SUZ12: variants seen among roughly 807,000 people sequenced by gnomAD.
SUZ12 encodes SUZ12 polycomb repressive complex 2 subunit.
A neutral mutation model predicts 87.3 loss-of-function variants in SUZ12; 17 were observed. That is an observed-to-expected ratio of 0.19 (90% CI 0.13 to 0.29). The LOEUF (loss-of-function observed/expected upper bound fraction) is 0.29, where lower values mean the gene tolerates loss of function less well. SUZ12 is among the 10% of genes least tolerant of loss of function. The pLI is 1.00. For missense variants in SUZ12, 526 were observed against 912.2 expected, an observed-to-expected ratio of 0.58 and a Z score of 5.45; for synonymous variants, 253 against 312.4, an observed-to-expected ratio of 0.81 and a Z score of 2.01.
intron 8 of SUZ12, among the ~76,000 whole-genome samples, chr17:31,982,337 TG>T (rs1272893342): frequency 5.8e-5 from 6 of 102,812 alleles, no homozygotes; most frequent in African/African-American, 3.0e-4. Flanking sequence ...AGACAAGCAT[TG>T]TTTGTAACAC....
chr17:31,970,331 A>G (rs1054470901), intron 5 of SUZ12, among the ~76,000 whole-genome samples: 29 of 152,276 alleles, frequency 1.9e-4, no homozygotes, highest in Non-Finnish European at 3.8e-4. Context: ...TTTTAAGTAG[A>G]AAAAAAGTGT....
chr17:31,981,964 A>T (rs184631508), intron 8 of SUZ12, among the ~76,000 whole-genome samples: 1 of 152,202 alleles, frequency 6.6e-6, no homozygotes, highest in African/African-American at 2.4e-5. Context: ...GAATTTCTCT[A>T]AGAGTGATGA....
intron 3 of SUZ12, among the ~76,000 whole-genome samples, chr17:31,941,350 G>C (rs1906268583): frequency 1.3e-5 from 2 of 150,404 alleles, no homozygotes; most frequent in Admixed American, 1.3e-4. Context: ...TCTGCCTCCT[G>C]GGTTTAAACG....
chr17:31,953,655 A>G (rs1907117442), intron 4 of SUZ12, among the ~76,000 whole-genome samples: 1 of 146,478 alleles, frequency 6.8e-6, no homozygotes, highest in Non-Finnish European at 1.5e-5. Flanking sequence ...TGATCCTCCC[A>G]CCTCGACATC....
chr17:31,987,060 T>G (rs930535430), intron 9 of SUZ12, among the ~76,000 whole-genome samples: 3 of 147,758 alleles, frequency 2.0e-5, no homozygotes, highest in African/African-American at 5.0e-5. Context: ...TTTTTTTGTT[T>G]TTTTGTTTTT....
At chr17:31,991,442 C>T (rs182550866) in intron 10 of SUZ12, among the ~76,000 whole-genome samples, 3 of 151,778 alleles carry the variant, frequency 2.0e-5, no homozygotes, top group Admixed American at 1.3e-4. Flanking sequence ...TCTCAGAATA[C>T]TCAGAAACCA....
rs988926616 is a variant in SUZ12, at chr17:31,956,478, C to T, written c.455+8793C>T. Among the ~76,000 whole-genome samples, 9 of 152,152 alleles carry T rather than the reference C, an allele frequency of 5.9e-5. No individual in the cohort carries two copies. The East Asian group carries it at 9.6e-4, about 16-fold the overall frequency. On this transcript the variant is annotated intron_variant, in intron 4 of 15. Coordinates refer to ENST00000322652, the MANE Select transcript of SUZ12 (RefSeq NM_015355.4). The stretch of plus-strand genomic sequence containing the variant: ...TGCTGGGATTACAGGCATAAGCCGC[C>T]GCACCCAGTCAGTTTTTAAATATAT...
intron 4 of SUZ12, among the ~76,000 whole-genome samples, chr17:31,954,244 G>C (rs1907164549): frequency 6.6e-6 from 1 of 151,932 alleles, no homozygotes; most frequent in Non-Finnish European, 1.5e-5. Flanking sequence ...TGTATTTTTG[G>C]TAGAGACGGG....
At chr17:31,990,833 C>T (rs1340894981) in intron 10 of SUZ12, among the ~76,000 whole-genome samples, 3 of 151,934 alleles carry the variant, frequency 2.0e-5, no homozygotes, top group South Asian at 2.1e-4. Flanking sequence ...CTGAAACCAC[C>T]GCCTCCCAGG....
intron 5 of SUZ12, among the ~76,000 whole-genome samples, chr17:31,971,825 A>G (rs1225418363): frequency 6.6e-6 from 1 of 152,174 alleles, no homozygotes; most frequent in Non-Finnish European, 1.5e-5. Context: ...CATAAATGTT[A>G]AATCTTCAAG....
In SUZ12 at chr17:31,993,987, C is replaced by T. The variant is rs753295748; in HGVS notation, c.1416C>T (p.Ser472=). The T allele has an allele frequency of 5.6e-6, 9 of 1,612,596 alleles. No homozygotes were observed. In the Admixed American group the frequency reaches 1.0e-4, roughly 18 times the overall value. Residue 472 remains serine (S), a synonymous_variant, in exon 12 of 16, where the codon AGC becomes AGT. Transcript: ENST00000322652. The stretch of plus-strand genomic sequence containing the variant: ...TCAAGCATCTTAAACTCTGCCATAG[C>T]AGATTTATCTTCAACTATGTTGTGA... ...SLLKHLKLCH[S]RFIFNYVYHP...
rs1201916048 is a variant in SUZ12 at position 31,940,341 on chromosome 17, TCAA to T, written c.321+13_321+15del. On this transcript the variant is annotated intron_variant, in intron 2 of 15. Transcript: ENST00000322652. Reference sequence around the variant, plus strand: ...CTCGGAATCTCATAGCAGTAAGTAGTCAACAAAATTCATCAATATTATTTCTCT... The same window carrying T: ...CTCGGAATCTCATAGCAGTAAGTAGTCAAAATTCATCAATATTATTTCTCT... 1 of 1,613,058 alleles carries T rather than the reference TCAA, an allele frequency of 6.2e-7. No individual in the cohort carries two copies. The highest frequency in any genetic ancestry group is 8.5e-7 in the Non-Finnish European group (1 of 1,179,596).
At chr17:31,989,100 A>T (rs72825712) in intron 10 of SUZ12, among the ~76,000 whole-genome samples, 15,078 of 151,906 alleles carry the variant, frequency 0.099, 1,026 homozygotes, top group Middle Eastern at 0.15. Context: ...TCAATAAATT[A>T]AAAAAGTAGA....
At chr17:31,945,686 G>GT (rs1567812831) in intron 3 of SUZ12, among the ~76,000 whole-genome samples, 1 of 152,010 alleles carries the variant, frequency 6.6e-6, no homozygotes. Context: ...GGTTGGTTTT[G>GT]TTTTTTTCCT....
intron 4 of SUZ12, among the ~76,000 whole-genome samples, chr17:31,960,364 C>G (rs1907628603): frequency 6.6e-6 from 1 of 151,980 alleles, no homozygotes; most frequent in Non-Finnish European, 1.5e-5. Flanking sequence ...GTGCCTGCCA[C>G]CACGGCCAGC....
intron 4 of SUZ12, among the ~76,000 whole-genome samples, chr17:31,949,099 A>C (rs1322106942): frequency 6.6e-6 from 1 of 152,158 alleles, no homozygotes; most frequent in Admixed American, 6.6e-5. Context: ...CAACAGGAAC[A>C]CTGGACCCTT....
intron 3 of SUZ12, among the ~76,000 whole-genome samples, chr17:31,942,609 T>C (rs1276965116): frequency 6.6e-6 from 1 of 152,170 alleles, no homozygotes; most frequent in Non-Finnish European, 1.5e-5. Context: ...AGTGCTGGGA[T>C]TACAGACCTG....
chr17:31,952,342 G>A (rs889629103), intron 4 of SUZ12, among the ~76,000 whole-genome samples: 7 of 152,134 alleles, frequency 4.6e-5, no homozygotes, highest in African/African-American at 1.7e-4. Context: ...TTACAGGTGT[G>A]AGCCACCACG....
At chr17:31,951,378 C>T (rs183087833) in intron 4 of SUZ12, among the ~76,000 whole-genome samples, 10 of 152,074 alleles carry the variant, frequency 6.6e-5, no homozygotes, top group South Asian at 4.1e-4. Context: ...TGGTGTTTCA[C>T]GGTCTTTTAT....
Sources: allele counts gnomAD v4.1 joint callset (sites outside exome capture counted in the v4.1 genomes callset), GRCh38; gene constraint gnomAD v4.1.1; transcripts MANE v1.5; gene names NCBI Gene and HGNC (gene_info 2026-07-23, HGNC 2026-07-21).